The following RNF213 variants were observed in gnomAD, a reference collection of about 807,000 sequenced individuals.
RNF213 encodes ring finger protein 213.
A neutral mutation model predicts 514.4 loss-of-function variants in RNF213; 341 were observed. The observed-to-expected ratio is 0.66, with a 90% CI of 0.61 to 0.73. The LOEUF is 0.73. Among genes scored for constraint, RNF213 ranks in the 30% least tolerant of loss-of-function variants. RNF213 has a pLI of 0.00. For synonymous variants in RNF213, 2,655 were observed against 2,658.2 expected, an observed-to-expected ratio of 1.00 and a Z score of 0.04; for missense variants, 5,767 against 6,615.6, an observed-to-expected ratio of 0.87 and a Z score of 4.45.
chr17:80,274,078 G>T (rs1013789477), intron 3 of RNF213, among the ~76,000 whole-genome samples: 32 of 152,102 alleles, frequency 2.1e-4, no homozygotes, highest in African/African-American at 7.0e-4. Context: ...TTGCTGCTTC[G>T]GGGCAGGGAC....
At chr17:80,295,471 C>T (rs911093554) in intron 9 of RNF213, 86 bp from the exon 10 acceptor site, 1 of 1,563,464 alleles carries the variant, frequency 6.4e-7, no homozygotes, top group Non-Finnish European at 8.8e-7. Context: ...GGTCTGCTGC[C>T]CTAGCTGTGG....
chr17:80,363,883 G>A (rs190695019), intron 41 of RNF213, 93 bp downstream of exon 41: 22 of 1,272,684 alleles, frequency 1.7e-5, no homozygotes, highest in South Asian at 1.3e-4. Flanking sequence ...AAGACGGGCA[G>A]GTGCTCCTGC....
chr17:80,290,256 A>G (rs1598931423), intron 6 of RNF213, among the ~76,000 whole-genome samples: 2 of 152,216 alleles, frequency 1.3e-5, no homozygotes, highest in African/African-American at 4.8e-5. Context: ...AGGGTGTGAT[A>G]ATGTGCATTA....
chr17:80,355,922 C>T (rs1024384496), intron 36 of RNF213, among the ~76,000 whole-genome samples: 19 of 152,212 alleles, frequency 1.2e-4, no homozygotes, highest in African/African-American at 4.1e-4. Flanking sequence ...CTTCGTTTCT[C>T]TCCTTGTCAC....
rs779233933 is a variant in RNF213, at chr17:80,369,632, C to T, written c.12286C>T (p.Leu4096Phe). Residue 4096 changes from leucine to phenylalanine, a missense_variant, in exon 45 of 68, where the codon CTC becomes TTC. By Grantham distance (22) the Leu-to-Phe change is conservative (BLOSUM62 0). This residue lies in a region of RNF213 where 93 missense variants were observed against 95.6 expected (regional missense o/e 0.97). Coordinates refer to ENST00000582970, the MANE Select transcript of RNF213 (RefSeq NM_001256071.3). ...KEVIESLLSLLFVQKGRLRDA... is the reference protein window; with the variant it reads ...KEVIESLLSLFFVQKGRLRDA... ...AGTGATTGAGAGCCTGCTCTCTCTC[C>T]TCTTCGTCCAAAAGGGGCGCTTAAG... 1 of 1,614,128 alleles carries T rather than the reference C, an allele frequency of 6.2e-7. No individual in the cohort carries two copies. The highest frequency in any genetic ancestry group is 1.3e-5 in the African/African-American group (1 of 74,954).
chr17:80,394,964 G>A lies in RNF213; in HGVS notation c.*1466G>A, dbSNP rs1396565026. 6.6e-6 allele frequency: 1 copy of A among 152,268 alleles called. No homozygotes were observed. The highest frequency in any genetic ancestry group is 1.5e-5 in the Non-Finnish European group (1 of 68,222). 9.4% of individuals were successfully genotyped at this position (152,268 alleles called of 1,614,324 possible). ...TGTGGGGGCCGGGGGCTGGCTTGCT[G>A]AAGTCTTCAACTTGCACTCGGAGCT... On this transcript the variant is annotated 3_prime_UTR_variant, in exon 68 of 68. Coordinates refer to ENST00000582970, the MANE Select transcript of RNF213 (RefSeq NM_001256071.3).
At chr17:80,382,515 ATT>A (rs1463881654) in intron 57 of RNF213, 1 of 164,600 alleles carries the variant, frequency 6.1e-6, no homozygotes. Flanking sequence ...ATCTGATTTT[ATT>A]TTAAGCCTCT....
chr17:80,363,481 C>G lies in RNF213; in HGVS notation c.11569-128C>G, dbSNP rs1384354675. 5.6e-6 allele frequency: 7 copies of G among 1,247,698 alleles called. No homozygotes were observed. In the African/African-American group the frequency reaches 1.0e-4, roughly 18 times the overall value. The allele number at this position is 1,247,698 out of a possible 1,614,324, so 77.3% of individuals were successfully genotyped here. On this transcript the variant is annotated intron_variant, in intron 40 of 67. Transcript: ENST00000582970. ...GGACACATCTCGCTGACGCTTCTCA[C>G]ATCCTAGACAATGAAAGTTTAGGTC...
rs867602562 is a variant in RNF213 at position 80,373,249 on chromosome 17, A to G, written c.12942+84A>G. 2.1e-5 allele frequency: 20 copies of G among 933,922 alleles called. No individual in the cohort carries two copies. In the African/African-American group the frequency reaches 6.4e-4, roughly 30 times the overall value. 57.9% of individuals were successfully genotyped at this position (933,922 alleles called of 1,614,324 possible). A position where few individuals can be genotyped will look rare whatever the true frequency, so the allele number is the denominator to read the frequency against. On this transcript the variant is annotated intron_variant, in intron 49 of 67. Transcript: ENST00000582970. ...AACCCACACACCCCCCTACCCTCACACCCTACCCCCCCCACACCCCACCCC... is the reference window on the plus strand; with the variant it reads ...AACCCACACACCCCCCTACCCTCACGCCCTACCCCCCCCACACCCCACCCC...
At chr17:80,279,436 C>T (rs1264637423) in intron 3 of RNF213, among the ~76,000 whole-genome samples, 2 of 152,068 alleles carry the variant, frequency 1.3e-5, no homozygotes, top group African/African-American at 4.8e-5. Context: ...AAGTTGAAAT[C>T]CTGACTTTTT....
Position 80,353,115 on chromosome 17 carries a change from G to GT in RNF213, c.10423+57dup. ...CAGGTGGTGGAAGGGCAGATGGCAG[G>GT]TGTGGAGCGTGGCGTGCACATGGCA... On this transcript the variant is annotated intron_variant, in intron 33 of 67. Transcript: ENST00000582970. This position sits in a 1 kb window ranked among gnomAD's most constrained non-coding sequence, Gnocchi z 5.0. The GT allele has an allele frequency of 4.4e-6, 7 of 1,602,946 alleles. No individual in the cohort carries two copies. The highest frequency in any genetic ancestry group is 5.1e-6 in the Non-Finnish European group (6 of 1,179,250).
chr17:80,351,147 T>C (rs2078495979), intron 31 of RNF213, among the ~76,000 whole-genome samples: 1 of 152,196 alleles, frequency 6.6e-6, no homozygotes, highest in South Asian at 2.1e-4. Flanking sequence ...TGGCCATTGG[T>C]CATCTGAAGG....
intron 12 of RNF213, among the ~76,000 whole-genome samples, chr17:80,306,776 C>T (rs558308796): frequency 3.4e-4 from 52 of 150,794 alleles, no homozygotes; most frequent in East Asian, 2.7e-3. Flanking sequence ...GGTGTGAACC[C>T]GGGAGGCGGA....
At chr17:80,282,955 C>G (rs921362143) in intron 3 of RNF213, among the ~76,000 whole-genome samples, 2 of 152,190 alleles carry the variant, frequency 1.3e-5, no homozygotes, top group African/African-American at 4.8e-5. Context: ...GCCTCGTTCT[C>G]TCAAAGTGCT....
chr17:80,374,314 C>A, intron 49 of RNF213, 144 bp from the exon 50 acceptor site: 1 of 1,047,194 alleles, frequency 9.5e-7, no homozygotes, highest in Non-Finnish European at 1.5e-6. Context: ...ACCAGACTGT[C>A]CTGCCTCAGG....
intron 15 of RNF213, chr17:80,316,187 GGCT>G (rs2045942892): frequency 6.6e-6 from 1 of 152,172 alleles, no homozygotes; most frequent in Admixed American, 6.5e-5. Context: ...AGGAGGTCAG[GGCT>G]GCAGTGAGCT....
At chr17:80,319,474 A>T (rs2046065124) in intron 17 of RNF213, 162 bp downstream of exon 17, 1 of 1,613,984 alleles carries the variant, frequency 6.2e-7, no homozygotes, top group South Asian at 1.1e-5. Context: ...ATGGCGCTGA[A>T]ATCTAGTTCT....
Position 80,354,126 on chromosome 17 carries a change from G to C in RNF213, c.10686G>C (p.Val3562=). The C allele has an allele frequency of 6.2e-7, 1 of 1,614,082 alleles. No homozygotes were observed. Among genetic ancestry groups the C allele is most frequent in the Non-Finnish European group, 8.5e-7 (1 of 1,180,018 alleles). The change falls in exon 35 of 68, where the codon GTG becomes GTC. Residue 3562 remains valine (V), a synonymous_variant. Transcript: ENST00000582970. ...GCACGCGCAATATGCGGAGGGTGGT[G>C]CTCCTCCTGGGCCTCTTGAATGAGG... The part of the protein sequence containing the change: ...ESCTRNMRRV[V]LLLGLLNEDD...
Position 80,363,802 on chromosome 17 carries a change from G to A in RNF213, c.11750+12G>A, listed in dbSNP as rs746386871. 2.5e-5 allele frequency: 41 copies of A among 1,611,736 alleles called. No individual in the cohort carries two copies. The South Asian group carries it at 4.3e-4, about 17-fold the overall frequency. On this transcript the variant is annotated intron_variant, in intron 41 of 67. Coordinates refer to ENST00000582970, the MANE Select transcript of RNF213 (RefSeq NM_001256071.3). ...ATCAGGGAAGTCAGGTGAGACCCAGGAGCCCTCACCCACTGCTTCATCTGG... is the reference window on the plus strand; with the variant it reads ...ATCAGGGAAGTCAGGTGAGACCCAGAAGCCCTCACCCACTGCTTCATCTGG...
Sources: allele counts gnomAD v4.1 joint callset (sites outside exome capture counted in the v4.1 genomes callset), GRCh38; gene constraint gnomAD v4.1.1; regional missense constraint gnomAD v4.1.1; non-coding constraint Gnocchi (gnomAD v3.1); transcripts MANE v1.5; gene names NCBI Gene and HGNC (gene_info 2026-07-23, HGNC 2026-07-21).